The following ABCA13 variants were observed in gnomAD, a reference collection of about 807,000 sequenced individuals.
ABCA13 encodes ATP-binding cassette sub-family A member 13.
Under a neutral mutation model 478.7 loss-of-function variants are expected in ABCA13, and 476 were observed. The observed-to-expected ratio is 0.99, with a 90% confidence interval of 0.92 to 1.07. ABCA13 has a LOEUF of 1.07. Among genes scored for constraint, ABCA13 ranks in the 50% least tolerant of loss-of-function variants. The pLI is 0.00. For synonymous variants in ABCA13, 2,252 were observed against 2,158.9 expected, an observed-to-expected ratio of 1.04 and a Z score of -1.20; for missense variants, 6,060 against 5,910.6, an observed-to-expected ratio of 1.03 and a Z score of -0.83.
intron 23 of ABCA13, 43 bp from the exon 24 acceptor site, chr7:48,309,904 C>G: frequency 6.2e-7 from 1 of 1,606,068 alleles, no homozygotes; most frequent in Non-Finnish European, 8.5e-7. Flanking sequence ...AAGCACATGA[C>G]GTCATAGGTA....
intron 42 of ABCA13, among the ~76,000 whole-genome samples, chr7:48,433,390 A>G (rs540608692): frequency 6.6e-6 from 1 of 150,718 alleles, no homozygotes; most frequent in Non-Finnish European, 1.5e-5. Context: ...TTTTTTGGTA[A>G]TAGAAAATAT....
In ABCA13 at chr7:48,353,381, G is replaced by A. The variant is rs549260382; in HGVS notation, c.10688+894G>A. Among the ~76,000 whole-genome samples, 229 of 151,638 alleles carry A rather than the reference G, an allele frequency of 1.5e-3. 1 individual carries two copies. Among genetic ancestry groups the A allele is most frequent in the African/African-American group, 5.2e-3 (214 of 41,142 alleles). On this transcript the variant is annotated intron_variant, in intron 31 of 61. Coordinates refer to ENST00000435803, the MANE Select transcript of ABCA13 (RefSeq NM_152701.5). ...TGGCTCTGATGCAGGGCCTCAGGAA[G>A]GTACCACCTTCCTACCCTCTCTCAA...
intron 27 of ABCA13, among the ~76,000 whole-genome samples, chr7:48,327,651 A>G (rs1237821653): frequency 6.6e-6 from 1 of 152,224 alleles, no homozygotes. Flanking sequence ...CATGGCTTGA[A>G]TCCAAATTTG....
intron 36 of ABCA13, among the ~76,000 whole-genome samples, chr7:48,388,225 C>T (rs1365532116): frequency 6.6e-6 from 1 of 152,092 alleles, no homozygotes; most frequent in Non-Finnish European, 1.5e-5. Flanking sequence ...GCATTATGTG[C>T]ATTTGTGTGT....
intron 37 of ABCA13, among the ~76,000 whole-genome samples, chr7:48,391,535 C>T (rs1196893821): frequency 6.6e-6 from 1 of 152,118 alleles, no homozygotes; most frequent in African/African-American, 2.4e-5. Flanking sequence ...GATGATTTTG[C>T]CCAGCTGTAG....
At chr7:48,518,680 A>C (rs559109731) in intron 52 of ABCA13, among the ~76,000 whole-genome samples, 1 of 152,164 alleles carries the variant, frequency 6.6e-6, no homozygotes, top group South Asian at 2.1e-4. Context: ...ACCTTATTCA[A>C]ATGTTTATTT....
intron 31 of ABCA13, among the ~76,000 whole-genome samples, chr7:48,367,146 C>A (rs1334573439): frequency 1.3e-5 from 2 of 152,014 alleles, no homozygotes; most frequent in Non-Finnish European, 2.9e-5. Flanking sequence ...GATGTGGGTG[C>A]AAAGCTGGGA....
Position 48,369,952 on chromosome 7 carries a change from A to T in ABCA13, c.10803+2044A>T, listed in dbSNP as rs569849533. ...GAGTAATGGTGGTGTTTTGATGGGAATTGCATTGAATTGCAGATTGCTTTT... is the reference window on the plus strand; with the variant it reads ...GAGTAATGGTGGTGTTTTGATGGGATTTGCATTGAATTGCAGATTGCTTTT... On this transcript the variant is annotated intron_variant, in intron 32 of 61. Transcript: ENST00000435803. Among the ~76,000 whole-genome samples the T allele has an allele frequency of 3.3e-5, 5 of 152,018 alleles. No homozygotes were observed. The South Asian group carries it at 1.0e-3, about 32-fold the overall frequency.
At chr7:48,379,098 C>A (rs553051298) in intron 35 of ABCA13, among the ~76,000 whole-genome samples, 3 of 152,218 alleles carry the variant, frequency 2.0e-5, no homozygotes, top group African/African-American at 7.2e-5. Context: ...ATATTTATAA[C>A]ACATATTTAA....
intron 8 of ABCA13, among the ~76,000 whole-genome samples, chr7:48,234,448 G>T (rs1789643295): frequency 6.6e-6 from 1 of 152,204 alleles, no homozygotes; most frequent in Non-Finnish European, 1.5e-5. Flanking sequence ...GTGAGGGTGT[G>T]AGATTCTGAA....
chr7:48,626,749 A>C (rs1239983179), intron 59 of ABCA13: 1 of 985,560 alleles, frequency 1.0e-6, no homozygotes, highest in Non-Finnish European at 1.2e-6. Flanking sequence ...TGGGTTTGGG[A>C]CATGGAAAGA....
At chr7:48,490,735 T>G (rs1339726742) in intron 48 of ABCA13, among the ~76,000 whole-genome samples, 4 of 152,210 alleles carry the variant, frequency 2.6e-5, no homozygotes, top group Non-Finnish European at 4.4e-5. Flanking sequence ...TTTGGAAAGA[T>G]TGTTTAAGAT....
chr7:48,283,165 A>G (rs2128787931), intron 19 of ABCA13, among the ~76,000 whole-genome samples: 1 of 152,134 alleles, frequency 6.6e-6, no homozygotes, highest in South Asian at 2.1e-4. Context: ...CGTATTCCCA[A>G]CATCCACTAT....
chr7:48,508,441 G>A (rs569142845), intron 50 of ABCA13, among the ~76,000 whole-genome samples: 4 of 152,206 alleles, frequency 2.6e-5, no homozygotes, highest in African/African-American at 9.6e-5. Flanking sequence ...GTGCCTCATT[G>A]CCTAATAGGT....
chr7:48,330,907 G>C (rs564156178), intron 27 of ABCA13, among the ~76,000 whole-genome samples: 1 of 152,278 alleles, frequency 6.6e-6, no homozygotes, highest in South Asian at 2.1e-4. Context: ...TGCTGTATCC[G>C]TGGGTTTTTC....
In ABCA13 at chr7:48,272,814, A is replaced by G; in HGVS notation, c.3148A>G (p.Thr1050Ala). 1 of 1,606,230 alleles carries G rather than the reference A, an allele frequency of 6.2e-7. No individual in the cohort carries two copies. Among genetic ancestry groups the G allele is most frequent in the Non-Finnish European group, 8.5e-7 (1 of 1,175,382 alleles). The change falls in exon 17 of 62, where the codon ACA (threonine) becomes GCA (alanine). Residue 1050 changes from threonine to alanine, a missense_variant. By Grantham distance (58) the Thr-to-Ala change is moderately conservative (BLOSUM62 0). Transcript: ENST00000435803. ...GCTTCAGGCCCAATCCTTCATGTCT[A>G]CAGAGGGCCAAGAACTGGAAGTGAT... ...LELQAQSFMSTEGQELEVIHT... is the reference protein window; with the variant it reads ...LELQAQSFMSAEGQELEVIHT...
chr7:48,412,798 T>A (rs954659128), intron 41 of ABCA13, among the ~76,000 whole-genome samples: 3 of 148,548 alleles, frequency 2.0e-5, no homozygotes, highest in African/African-American at 5.0e-5. Context: ...TGAAATGGCA[T>A]TCTTTTAGCA....
At chr7:48,413,870 A>T (rs967518326) in intron 41 of ABCA13, among the ~76,000 whole-genome samples, 1 of 152,228 alleles carries the variant, frequency 6.6e-6, no homozygotes, top group Non-Finnish European at 1.5e-5. Flanking sequence ...AAGGTTGAGT[A>T]AGCTGAGGCT....
Position 48,306,313 on chromosome 7 carries a change from A to T in ABCA13, c.9322-3634A>T, listed in dbSNP as rs886786349. ...AAAAACGTATTAAATATGATCTTGC[A>T]TGGGGACCACTGTGTGACATGCTAG... is the stretch of plus-strand genomic sequence containing the variant. On this transcript the variant is annotated intron_variant, in intron 23 of 61. Coordinates refer to ENST00000435803, the MANE Select transcript of ABCA13 (RefSeq NM_152701.5). Among the ~76,000 whole-genome samples the T allele has an allele frequency of 3.3e-5, 5 of 152,306 alleles. No individual in the cohort carries two copies. In the East Asian group the frequency reaches 7.7e-4, roughly 24 times the overall value.
Sources: gnomAD v4.1 joint callset for allele counts (sites outside exome capture counted in the v4.1 genomes callset) on GRCh38, gnomAD v4.1.1 for gene constraint, MANE v1.5 for transcripts, NCBI Gene and HGNC (gene_info 2026-07-23, HGNC 2026-07-21) for gene names.